KCTD21: variants seen among roughly 807,000 people sequenced by gnomAD.
KCTD21 encodes potassium channel tetramerization domain containing 21, also known as BTB/POZ domain-containing protein KCTD21.
KCTD21 carries 9 observed loss-of-function variants against 13.2 expected under a neutral mutation model. The ratio of observed to expected loss-of-function variants is 0.68; its 90% CI spans 0.41 to 1.19. KCTD21 has a LOEUF of 1.19. Among genes scored for constraint, KCTD21 ranks in the 50% most tolerant of loss-of-function variants. KCTD21 has a pLI of 0.01. For missense variants in KCTD21, 303 were observed against 336.5 expected (o/e 0.90, Z 0.78); for synonymous variants, 142 against 137.4 (o/e 1.03, Z -0.23).
rs1862277410 is a variant in KCTD21 at position 78,171,388 on chromosome 11, G to C, written c.*2384C>G. 6.6e-6 allele frequency: 1 copy of C among 152,664 alleles called. No homozygotes were observed. The highest frequency in any genetic ancestry group is 6.5e-5 in the Admixed American group (1 of 15,282). 9.5% of individuals were successfully genotyped at this position (152,664 alleles called of 1,614,324 possible). A position where few individuals can be genotyped will look rare whatever the true frequency, so the allele number is the denominator to read the frequency against. ...AAATGGAGGTGGCTCAGTGAGGTGA[G>C]TGACTTGCATAAAGTCACACAGCAT... On this transcript the variant is annotated 3_prime_UTR_variant, in exon 2 of 2. Transcript: ENST00000340067.
intron 1 of KCTD21, among the ~76,000 whole-genome samples, chr11:78,183,043 G>T (rs943518486): frequency 1.4e-4 from 21 of 152,176 alleles, no homozygotes; most frequent in African/African-American, 4.6e-4. Context: ...TCATTTCCTA[G>T]CTCTGCTCAC....
Position 78,173,617 on chromosome 11 carries a change from AAGGTGGACTTC to A in KCTD21, c.*144_*154del. 1.4e-6 allele frequency: 1 copy of A among 703,174 alleles called. No individual in the cohort carries two copies. Among genetic ancestry groups the A allele is most frequent in the Non-Finnish European group, 2.4e-6 (1 of 412,776 alleles). The allele number at this position is 703,174 out of a possible 1,614,324, so 43.6% of individuals were successfully genotyped here. A position where few individuals can be genotyped will look rare whatever the true frequency, so the allele number is the denominator to read the frequency against. ...CTGTTCAGAGGACACTGGATTCCAA[AAGGTGGACTTC>A]ATCATGGGGGGAATCAAGTCCTGCT... On this transcript the variant is annotated 3_prime_UTR_variant, in exon 2 of 2. Coordinates refer to ENST00000340067, the MANE Select transcript of KCTD21 (RefSeq NM_001029859.3).
intron 1 of KCTD21, chr11:78,188,297 A>G: frequency 1.1e-6 from 1 of 923,378 alleles, no homozygotes; most frequent in Non-Finnish European, 1.2e-6. Context: ...GACTCCTCCC[A>G]CAGTCCCGAC....
intron 1 of KCTD21, among the ~76,000 whole-genome samples, chr11:78,175,998 C>T (rs1022816152): frequency 6.6e-6 from 1 of 152,046 alleles, no homozygotes; most frequent in African/African-American, 2.4e-5. Context: ...GTTTTTTGTC[C>T]TTGCAGTAGT....
rs976360805 is a variant in KCTD21, at chr11:78,188,422, C to G, written c.-30+151G>C. Reference sequence around the variant, plus strand: ...ACCTCGCTCCGAAACGCGCCCCCTCCCCCGCACCACAGGCGATGCCATCCC... The same window carrying G: ...ACCTCGCTCCGAAACGCGCCCCCTCGCCCGCACCACAGGCGATGCCATCCC... On this transcript the variant is annotated intron_variant, in intron 1 of 1. Coordinates refer to ENST00000340067, the MANE Select transcript of KCTD21 (RefSeq NM_001029859.3). 1.2e-5 allele frequency: 12 copies of G among 985,592 alleles called. No individual in the cohort carries two copies. In the Admixed American group the frequency reaches 7.4e-4, roughly 61 times the overall value. The allele number at this position is 985,592 out of a possible 1,614,324, so 61.1% of individuals were successfully genotyped here. A position where few individuals can be genotyped will look rare whatever the true frequency, so the allele number is the denominator to read the frequency against.
At position 78,173,475 on chromosome 11, in the gene KCTD21, C is replaced by G; in HGVS notation, c.*297G>C. The G allele has an allele frequency of 3.3e-6, 1 of 307,124 alleles. No homozygotes were observed. The highest frequency in any genetic ancestry group is 6.1e-6 in the Non-Finnish European group (1 of 164,924). The allele number at this position is 307,124 out of a possible 1,614,324, so 19.0% of individuals were successfully genotyped here. A position where few individuals can be genotyped will look rare whatever the true frequency, so the allele number is the denominator to read the frequency against. ...TGGAGCCCAGGAGAAAACTGCTGCT[C>G]TTTTGTCCTGGCTGGAAAATCCTCC... On this transcript the variant is annotated 3_prime_UTR_variant, in exon 2 of 2. Coordinates refer to ENST00000340067, the MANE Select transcript of KCTD21 (RefSeq NM_001029859.3).
In KCTD21 at chr11:78,173,918, C is replaced by T. The variant is rs749154861; in HGVS notation, c.637G>A (p.Ala213Thr). ...TGGAAGCTGTTGATCTGCTTGTTGG[C>T]GGGCACCACCCAGAGCCTCTTGAGG... ...QNLKRLWVVP[A>T]NKQINSFQVF... Residue 213 changes from alanine to threonine, a missense_variant, in exon 2 of 2, where the codon GCC becomes ACC. By Grantham distance (58) the Ala-to-Thr change is moderately conservative (BLOSUM62 0). Coordinates refer to ENST00000340067, the MANE Select transcript of KCTD21 (RefSeq NM_001029859.3). The T allele has an allele frequency of 3.7e-6, 6 of 1,614,048 alleles. No individual in the cohort carries two copies. The highest frequency in any genetic ancestry group is 1.3e-5 in the African/African-American group (1 of 74,924).
At chr11:78,178,802 TAAG>T (rs1862531434) in intron 1 of KCTD21, among the ~76,000 whole-genome samples, 1 of 152,166 alleles carries the variant, frequency 6.6e-6, no homozygotes, top group Non-Finnish European at 1.5e-5. Context: ...GCAGGGACCC[TAAG>T]ACCAATTAAC....
chr11:78,182,042 C>T (rs974892074), intron 1 of KCTD21, among the ~76,000 whole-genome samples: 2 of 152,174 alleles, frequency 1.3e-5, no homozygotes, highest in South Asian at 2.1e-4. Context: ...GCATGTCTCA[C>T]GTCTGCATAG....
intron 1 of KCTD21, among the ~76,000 whole-genome samples, chr11:78,184,430 G>A (rs1006940602): frequency 1.3e-5 from 2 of 150,460 alleles, no homozygotes; most frequent in African/African-American, 2.4e-5. Flanking sequence ...TCCACCTCCT[G>A]AGTTCAAGCA....
chr11:78,180,461 G>C (rs1862581777), intron 1 of KCTD21, among the ~76,000 whole-genome samples: 1 of 152,212 alleles, frequency 6.6e-6, no homozygotes, highest in Non-Finnish European at 1.5e-5. Context: ...AGGAGTTCAA[G>C]AACAGCCTGG....
intron 1 of KCTD21, among the ~76,000 whole-genome samples, chr11:78,180,220 A>G (rs1862575974): frequency 6.6e-6 from 1 of 152,244 alleles, no homozygotes; most frequent in Non-Finnish European, 1.5e-5. Flanking sequence ...CACGTAAAAA[A>G]CTTCTGCTCT....
chr11:78,183,164 T>C (rs1383063994), intron 1 of KCTD21, among the ~76,000 whole-genome samples: 1 of 152,180 alleles, frequency 6.6e-6, no homozygotes, highest in Admixed American at 6.5e-5. Flanking sequence ...CTGGAGAAAC[T>C]GATGATTCCT....
chr11:78,186,607 T>A (rs1862782390), intron 1 of KCTD21: 1 of 684,750 alleles, frequency 1.5e-6, no homozygotes, highest in Non-Finnish European at 1.8e-6. Flanking sequence ...GAGCAGTTAC[T>A]ACCGTGCTAG....
intron 1 of KCTD21, among the ~76,000 whole-genome samples, chr11:78,179,646 T>C (rs991110770): frequency 4.6e-5 from 7 of 152,088 alleles, no homozygotes; most frequent in Non-Finnish European, 8.8e-5. Context: ...CTTCCTGAAG[T>C]ACCGTCCCTG....
intron 1 of KCTD21, chr11:78,177,787 C>T (rs571667142): frequency 6.6e-6 from 1 of 152,424 alleles, no homozygotes; most frequent in South Asian, 2.1e-4. Context: ...TGGACAGTTC[C>T]ATGGGTCACA....
At chr11:78,183,793 G>A (rs1017933189) in intron 1 of KCTD21, among the ~76,000 whole-genome samples, 5 of 151,506 alleles carry the variant, frequency 3.3e-5, no homozygotes, top group South Asian at 2.1e-4. Flanking sequence ...CCGCCACCTC[G>A]CTCGGCTAAT....
rs79485232 is a variant in KCTD21 at position 78,188,158 on chromosome 11, C to T, written c.-30+415G>A. The stretch of plus-strand genomic sequence containing the variant: ...ATCTGTGTCTCCGCCCTTCCTTCCC[C>T]AATCTCACCCAGGCTGGCCTCATCG... On this transcript the variant is annotated intron_variant, in intron 1 of 1. Transcript: ENST00000340067. The T allele has an allele frequency of 4.1e-3, 4,079 of 985,380 alleles. 105 individuals carry two copies. The African/African-American group carries it at 0.046, about 11-fold the overall frequency. 61.0% of individuals were successfully genotyped at this position (985,380 alleles called of 1,614,324 possible).
rs1390269907 is a variant in KCTD21, at chr11:78,173,675, A to T, written c.*97T>A. On this transcript the variant is annotated 3_prime_UTR_variant, in exon 2 of 2. Transcript: ENST00000340067. ...TGCTACACAATTAATACAGATTAGT[A>T]TAGTCCCCTGCCTCGCACCACTGGC... 5 of 966,936 alleles carry T rather than the reference A, an allele frequency of 5.2e-6. No homozygotes were observed. Among genetic ancestry groups the T allele is most frequent in the South Asian group, 3.1e-5 (2 of 64,832 alleles). 59.9% of individuals were successfully genotyped at this position (966,936 alleles called of 1,614,324 possible). A position where few individuals can be genotyped will look rare whatever the true frequency, so the allele number is the denominator to read the frequency against.
Sources: gnomAD v4.1 joint callset for allele counts (sites outside exome capture counted in the v4.1 genomes callset) on GRCh38, gnomAD v4.1.1 for gene constraint, MANE v1.5 for transcripts, NCBI Gene and HGNC (gene_info 2026-07-23, HGNC 2026-07-21) for gene names.